Variants in PARP1 observed in about 807,000 individuals in gnomAD.
PARP1 encodes the protein poly [ADP-ribose] polymerase 1.
Under a neutral mutation model 118.7 loss-of-function variants are expected in PARP1, and 44 were observed. The ratio of observed to expected loss-of-function variants is 0.37; its 90% CI spans 0.29 to 0.48. PARP1 has a LOEUF of 0.48. Ranked by LOEUF, PARP1 falls within the 20% of genes least tolerant of loss-of-function variation. The pLI is 0.99. For missense variants in PARP1, 1,100 were observed against 1,272.4 expected (o/e 0.86, Z 2.06); for synonymous variants, 492 against 483.2 (o/e 1.02, Z -0.24).
At chr1:226,406,681 T>TG (rs1282701228) in intron 1 of PARP1, among the ~76,000 whole-genome samples, 1 of 151,988 alleles carries the variant, frequency 6.6e-6, no homozygotes, top group African/African-American at 2.4e-5. Flanking sequence ...CCTAACAGAG[T>TG]GCTTAGAACT....
At position 226,362,060 on chromosome 1, in the gene PARP1, G is replaced by A. The variant is rs779988758; in HGVS notation, c.2872C>T (p.Pro958Ser). Residue 958 changes from proline to serine, a missense_variant, in exon 22 of 23, where the codon CCT (proline) becomes TCT (serine). This residue lies in a region of PARP1 where 152 missense variants were observed against 240.6 expected (regional missense o/e 0.63). Coordinates refer to ENST00000366794, the MANE Select transcript of PARP1 (RefSeq NM_001618.4). ...VKGLGKTTPD[P>S]SANISLDGVD... is the part of the protein sequence containing the mutation. ...CCATCCAGACTAATGTTAGCTGAAG[G>A]ATCAGGGGTAGTTTTGCCCAAACCT... 1.2e-6 allele frequency: 2 copies of A among 1,613,432 alleles called. No homozygotes were observed. Among genetic ancestry groups the A allele is most frequent in the Non-Finnish European group, 1.7e-6 (2 of 1,179,358 alleles).
intron 1 of PARP1, among the ~76,000 whole-genome samples, chr1:226,404,972 T>C (rs572078791): frequency 2.0e-5 from 3 of 152,008 alleles, no homozygotes; most frequent in Non-Finnish European, 4.4e-5. Context: ...TCTACCGCCA[T>C]CCTCCTCCCA....
intron 14 of PARP1, among the ~76,000 whole-genome samples, chr1:226,373,452 A>C (rs951738444): frequency 2.6e-4 from 39 of 152,182 alleles, no homozygotes; most frequent in African/African-American, 9.4e-4. Flanking sequence ...GAAGGCCCCC[A>C]GGGTCAGTAC....
At chr1:226,386,617 AC>A (rs906074410) in intron 5 of PARP1, among the ~76,000 whole-genome samples, 175 bp from the exon 6 acceptor site, 1 of 152,204 alleles carries the variant, frequency 6.6e-6, no homozygotes, top group Non-Finnish European at 1.5e-5. Context: ...TCCTGTGGAC[AC>A]CAAATTAAAC....
chr1:226,392,412 A>G, intron 2 of PARP1, 98 bp from the exon 3 acceptor site: 1 of 827,096 alleles, frequency 1.2e-6, no homozygotes, highest in Non-Finnish European at 2.1e-6. Flanking sequence ...TCCTTCCACT[A>G]GGACACCTTA....
intron 14 of PARP1, 144 bp downstream of exon 14, chr1:226,374,082 A>T: frequency 2.1e-6 from 2 of 961,584 alleles, no homozygotes; most frequent in Non-Finnish European, 3.3e-6. Flanking sequence ...CACACAATTT[A>T]AGATTGAAGG....
rs1664462097 is a variant in PARP1 at position 226,375,068 on chromosome 1, A to G, written c.1942-714T>C. On this transcript the variant is annotated intron_variant, in intron 13 of 22. Coordinates refer to ENST00000366794, the MANE Select transcript of PARP1 (RefSeq NM_001618.4). Reference sequence around the variant, plus strand: ...GTGCTCTGTCCAGCACAGTGTCCCTAGCAACTAAAACGGAATTTGGTATTT... The same window carrying G: ...GTGCTCTGTCCAGCACAGTGTCCCTGGCAACTAAAACGGAATTTGGTATTT... Among the ~76,000 whole-genome samples, 3 of 152,252 alleles carry G rather than the reference A, an allele frequency of 2.0e-5. No individual in the cohort carries two copies. The South Asian group carries it at 6.2e-4, about 32-fold the overall frequency.
intron 8 of PARP1, among the ~76,000 whole-genome samples, chr1:226,382,728 AG>A (rs1664641345): frequency 6.6e-6 from 1 of 152,208 alleles, no homozygotes; most frequent in African/African-American, 2.4e-5. Context: ...TACATTGCCC[AG>A]GTTGGTCTCA....
At chr1:226,379,030 T>G in intron 12 of PARP1, 112 bp downstream of exon 12, 1 of 1,320,340 alleles carries the variant, frequency 7.6e-7, no homozygotes, top group Non-Finnish European at 1.1e-6. Context: ...TGATTAGATT[T>G]CATTCCCCAG....
chr1:226,361,564 G>C, intron 22 of PARP1, 23 bp from the exon 23 acceptor site: 1 of 1,511,872 alleles, frequency 6.6e-7, no homozygotes, highest in South Asian at 1.1e-5. Context: ...TTGTTAAGGA[G>C]CCAACAGCCA....
intron 2 of PARP1, chr1:226,392,850 C>A: frequency 7.3e-7 from 1 of 1,368,704 alleles, no homozygotes; most frequent in Non-Finnish European, 9.9e-7. Flanking sequence ...ACTGGCTAGC[C>A]ATTTGGGACA....
At chr1:226,363,886 A>T in intron 20 of PARP1, 57 bp downstream of exon 20, 1 of 1,599,924 alleles carries the variant, frequency 6.3e-7, no homozygotes, top group Non-Finnish European at 8.6e-7. Flanking sequence ...TTCTGCCTAT[A>T]GCCCATTCCA....
intron 2 of PARP1, among the ~76,000 whole-genome samples, chr1:226,396,651 T>C (rs1487394835): frequency 6.6e-6 from 1 of 152,204 alleles, no homozygotes; most frequent in Non-Finnish European, 1.5e-5. Flanking sequence ...GTAGGTAGTA[T>C]CCTAACTGTA....
intron 2 of PARP1, among the ~76,000 whole-genome samples, chr1:226,395,247 A>G (rs2102743525): frequency 6.6e-6 from 1 of 152,350 alleles, no homozygotes; most frequent in South Asian, 2.1e-4. Flanking sequence ...GCATGGAATT[A>G]CCATGATTCA....
At chr1:226,362,445 T>C (rs1380377330) in intron 21 of PARP1, among the ~76,000 whole-genome samples, 4 of 152,150 alleles carry the variant, frequency 2.6e-5, no homozygotes, top group Non-Finnish European at 4.4e-5. Flanking sequence ...CCCAGCCTCA[T>C]GTGCTCATTT....
Position 226,407,798 on chromosome 1 carries a change from A to G in PARP1, c.120+12T>C. On this transcript the variant is annotated intron_variant, in intron 1 of 22. Coordinates refer to ENST00000366794, the MANE Select transcript of PARP1 (RefSeq NM_001618.4). ...CGCGTCCCCGCCCCGCCGCCCGCAC[A>G]GCGGCCCGCACCTGCACCATGATGG... 1 of 1,466,370 alleles carries G rather than the reference A, an allele frequency of 6.8e-7. No individual in the cohort carries two copies. The highest frequency in any genetic ancestry group is 9.1e-7 in the Non-Finnish European group (1 of 1,099,374). 90.8% of individuals were successfully genotyped at this position (1,466,370 alleles called of 1,614,324 possible). A position where few individuals can be genotyped will look rare whatever the true frequency, so the allele number is the denominator to read the frequency against.
chr1:226,402,257 G>C lies in PARP1; in HGVS notation c.243C>G (p.Asp81Glu), dbSNP rs1805404. 8.1e-6 allele frequency: 13 copies of C among 1,613,930 alleles called. No homozygotes were observed. In the Admixed American group the frequency reaches 1.3e-4, roughly 17 times the overall value. ...CCGCTGTCTTCTTGACTTTCTGCTG[G>C]TCATCCCACCGAAGCTCAGAGAACC... ...VDGFSELRWDDQQKVKKTAEA... is the reference protein window; with the variant it reads ...VDGFSELRWDEQQKVKKTAEA... The change falls in exon 2 of 23, where the codon GAC becomes GAG. Residue 81 changes from aspartate (D) to glutamate (E), a missense_variant. Physicochemically the swap from Asp to Glu is conservative, Grantham distance 45. Around this residue, in one of 2 missense-constraint regions of PARP1, gnomAD observed 948 missense variants for 1,031.8 expected, o/e 0.92. Coordinates refer to ENST00000366794, the MANE Select transcript of PARP1 (RefSeq NM_001618.4).
rs577630750 is a variant in PARP1 at position 226,368,873 on chromosome 1, C to T, written c.2155-552G>A. On this transcript the variant is annotated intron_variant, in intron 15 of 22. Transcript: ENST00000366794. The stretch of plus-strand genomic sequence containing the variant: ...CCAGTGTCACTTGGTGCTCTATATG[C>T]AAAGGGTGCACAAAAAATGCACAGA... Among the ~76,000 whole-genome samples the T allele has an allele frequency of 2.6e-5, 4 of 152,274 alleles. No individual in the cohort carries two copies. In the South Asian group the frequency reaches 8.3e-4, roughly 32 times the overall value.
chr1:226,405,116 G>GA lies in PARP1; in HGVS notation c.120+2693dup, dbSNP rs1193215783. On this transcript the variant is annotated intron_variant, in intron 1 of 22. Coordinates refer to ENST00000366794, the MANE Select transcript of PARP1 (RefSeq NM_001618.4). ...AGAAGGTATTTAAATTCAAGCAAGTGAAAAGGCTTCTTTCTTTTTGGCCTT... is the reference window on the plus strand; with the variant it reads ...AGAAGGTATTTAAATTCAAGCAAGTGAAAAAGGCTTCTTTCTTTTTGGCCTT... Among the ~76,000 whole-genome samples, 3 of 152,150 alleles carry GA rather than the reference G, an allele frequency of 2.0e-5. 1 individual carries two copies. Among genetic ancestry groups the GA allele is most frequent in the African/African-American group, 7.2e-5 (3 of 41,438 alleles).
Sources: allele counts gnomAD v4.1 joint callset (sites outside exome capture counted in the v4.1 genomes callset), GRCh38; gene constraint gnomAD v4.1.1; regional missense constraint gnomAD v4.1.1; transcripts MANE v1.5; gene names NCBI Gene and HGNC (gene_info 2026-07-23, HGNC 2026-07-21).